The following CFAP52 variants were observed in gnomAD, a reference collection of about 807,000 sequenced individuals.
CFAP52 encodes the protein cilia- and flagella-associated protein 52.
In CFAP52, 57 loss-of-function variants were observed where a neutral mutation model predicts 70.5. The observed-to-expected ratio is 0.81, with a 90% CI of 0.65 to 1.01. The LOEUF (loss-of-function observed/expected upper bound fraction) is 1.01, where lower values mean the gene tolerates loss of function less well. Among genes scored for constraint, CFAP52 ranks in the 50% least tolerant of loss-of-function variants. CFAP52 has a pLI of 0.00. For missense variants in CFAP52, 785 were observed against 788.5 expected (o/e 1.00, Z 0.05); for synonymous variants, 267 against 292.5 (o/e 0.91, Z 0.89).
chr17:9,594,161 C>CT (rs367968290), intron 3 of CFAP52, 32 bp from the exon 4 acceptor site: 17,715 of 1,056,648 alleles, frequency 0.017, no homozygotes, highest in South Asian at 0.037. Context: ...TTCTCTTTGA[C>CT]TTTTTTTTTT....
chr17:9,603,135 A>G (rs72820027), intron 6 of CFAP52, among the ~76,000 whole-genome samples: 1,352 of 111,380 alleles, frequency 0.012, 22 homozygotes, highest in Non-Finnish European at 0.015. Context: ...TCTGTCCAGC[A>G]AAGATGCTGG....
intron 7 of CFAP52, among the ~76,000 whole-genome samples, chr17:9,609,806 T>C (rs1909645493): frequency 1.3e-5 from 2 of 152,042 alleles, no homozygotes; most frequent in South Asian, 4.2e-4. Flanking sequence ...GTTTCATGCT[T>C]GTATGAAGGG....
At chr17:9,599,732 A>C (rs1051293184) in intron 5 of CFAP52, among the ~76,000 whole-genome samples, 1 of 151,360 alleles carries the variant, frequency 6.6e-6, no homozygotes, top group Non-Finnish European at 1.5e-5. Context: ...CAGGTCTTCA[A>C]GTTTTCTTCT....
chr17:9,594,052 AG>A, intron 3 of CFAP52, 140 bp from the exon 4 acceptor site: 1 of 1,219,582 alleles, frequency 8.2e-7, no homozygotes, highest in Non-Finnish European at 1.1e-6. Context: ...AGGAGATGTC[AG>A]GGGTGGGGTA....
chr17:9,632,094 T>C (rs1289550955), intron 9 of CFAP52, among the ~76,000 whole-genome samples: 1 of 151,486 alleles, frequency 6.6e-6, no homozygotes, highest in African/African-American at 2.4e-5. Flanking sequence ...TTTTCTTTTT[T>C]TGAGACAGGG....
At chr17:9,637,585 A>C (rs1910868845) in intron 11 of CFAP52, among the ~76,000 whole-genome samples, 1 of 152,192 alleles carries the variant, frequency 6.6e-6, no homozygotes, top group Non-Finnish European at 1.5e-5. Context: ...ATAAAAATCA[A>C]CTGAAATGCT....
At chr17:9,639,929 A>G (rs991264114) in intron 12 of CFAP52, among the ~76,000 whole-genome samples, 1 of 152,184 alleles carries the variant, frequency 6.6e-6, no homozygotes, top group Non-Finnish European at 1.5e-5. Context: ...GTCAAGTTCC[A>G]ACTACTTCTG....
At chr17:9,596,059 GTATATATA>G (rs796314327) in intron 4 of CFAP52, among the ~76,000 whole-genome samples, 2,008 of 85,164 alleles carry the variant, frequency 0.024, 50 homozygotes, top group East Asian at 0.16. Flanking sequence ...ATATGTGTGT[GTATATATA>G]TATATATATA....
chr17:9,595,649 T>C (rs1459041978), intron 4 of CFAP52, among the ~76,000 whole-genome samples: 1 of 152,020 alleles, frequency 6.6e-6, no homozygotes, highest in Non-Finnish European at 1.5e-5. Flanking sequence ...GAATTTTATA[T>C]TAAAAAAAAA....
At chr17:9,633,178 G>C in intron 10 of CFAP52, 145 bp downstream of exon 10, 1 of 985,908 alleles carries the variant, frequency 1.0e-6, no homozygotes, top group Non-Finnish European at 1.4e-6. Context: ...CTGAAAATAT[G>C]TCATAAATAA....
Position 9,635,564 on chromosome 17 carries a change from C to T in CFAP52, c.1472+8C>T. The T allele has an allele frequency of 1.9e-6, 3 of 1,614,024 alleles. No individual in the cohort carries two copies. Among genetic ancestry groups the T allele is most frequent in the East Asian group, 2.2e-5 (1 of 44,876 alleles). ...TATCATTTGGGACCTTGTGTAGGTA[C>T]CTGTGATGGGGAGGATGCAGTGATA... is the stretch of plus-strand genomic sequence containing the variant. On this transcript the variant is annotated splice_region_variant and intron_variant, in intron 11 of 13. Transcript: ENST00000352665.
At chr17:9,629,547 C>CT (rs758263833) in intron 9 of CFAP52, among the ~76,000 whole-genome samples, 3,084 of 126,740 alleles carry the variant, frequency 0.024, 86 homozygotes, top group African/African-American at 0.065. Context: ...TGCTTGCTTG[C>CT]TTTTTTTTTT....
At chr17:9,580,225 A>G (rs371271335) in intron 1 of CFAP52, among the ~76,000 whole-genome samples, 3 of 151,014 alleles carry the variant, frequency 2.0e-5, no homozygotes, top group South Asian at 2.1e-4. Context: ...TGTATTGTCT[A>G]TGGCTGCTTT....
intron 1 of CFAP52, among the ~76,000 whole-genome samples, chr17:9,581,101 G>A (rs1908205625): frequency 6.6e-6 from 1 of 152,180 alleles, no homozygotes; most frequent in African/African-American, 2.4e-5. Context: ...TGGATCACGA[G>A]GTCAGGAGAT....
At chr17:9,624,185 T>C (rs1466320207) in intron 8 of CFAP52, among the ~76,000 whole-genome samples, 1 of 152,182 alleles carries the variant, frequency 6.6e-6, no homozygotes, top group Non-Finnish European at 1.5e-5. Flanking sequence ...TTAGCATTTG[T>C]TAAACTTTTT....
At chr17:9,588,462 C>T (rs1027471753) in intron 3 of CFAP52, among the ~76,000 whole-genome samples, 5 of 152,108 alleles carry the variant, frequency 3.3e-5, no homozygotes, top group Admixed American at 6.5e-5. Context: ...GCTCAAGCAG[C>T]GGAGGCAGGG....
chr17:9,579,115 C>T (rs569757932), intron 1 of CFAP52, among the ~76,000 whole-genome samples: 42 of 151,930 alleles, frequency 2.8e-4, no homozygotes, highest in Admixed American at 1.2e-3. Flanking sequence ...GATTGGGGAG[C>T]TTATGATTTT....
chr17:9,596,059 G>GTATGTGTA (rs1555541608), intron 4 of CFAP52, among the ~76,000 whole-genome samples: 8 of 85,210 alleles, frequency 9.4e-5, no homozygotes, highest in African/African-American at 3.1e-4. Context: ...ATATGTGTGT[G>GTATGTGTA]TATATATATA....
intron 6 of CFAP52, among the ~76,000 whole-genome samples, chr17:9,603,221 T>G (rs1909348527): frequency 6.6e-6 from 1 of 152,324 alleles, no homozygotes; most frequent in East Asian, 1.9e-4. Context: ...ATTGTTATTA[T>G]TTTTTGATAC....
Sources: gnomAD v4.1 joint callset for allele counts (sites outside exome capture counted in the v4.1 genomes callset) on GRCh38, gnomAD v4.1.1 for gene constraint, MANE v1.5 for transcripts, NCBI Gene and HGNC (gene_info 2026-07-23, HGNC 2026-07-21) for gene names.